Variants in LRRC53 observed in about 807,000 individuals in gnomAD.
The protein encoded by LRRC53 is leucine rich repeat containing 53, also known as leucine-rich repeat-containing protein 53.
A neutral mutation model predicts 13.6 loss-of-function variants in LRRC53; 25 were observed. The observed-to-expected ratio is 1.83, with a 90% CI of 1.34 to 2.56. The LOEUF (loss-of-function observed/expected upper bound fraction) is 2.56, where lower values mean the gene tolerates loss of function less well. Ranked by LOEUF, LRRC53 falls within the 30% of genes most tolerant of loss-of-function variation. The pLI is 0.00. For missense variants in LRRC53, 527 were observed against 275.8 expected (o/e 1.91, Z -6.45); for synonymous variants, 204 against 109.8 (o/e 1.86, Z -5.37).
At chr1:74,513,417 T>G (rs1646296735), upstream of LRRC53, among the ~76,000 whole-genome samples, 1 of 152,210 alleles carries the variant, frequency 6.6e-6, no homozygotes, top group Non-Finnish European at 1.5e-5. Flanking sequence ...CTTTGCAATG[T>G]TCCCTCAGAA....
Position 74,480,451 on chromosome 1 carries a change from T to C in LRRC53, c.606A>G (p.Pro202=), listed in dbSNP as rs1243285678. Residue 202 remains proline (P), a synonymous_variant, in exon 3 of 5, where the codon CCA becomes CCG. Coordinates refer to ENST00000294635, the MANE Select transcript of LRRC53 (RefSeq NM_001382280.1). ...AGCTCAGAAGGATTAACTGCTTCAG[T>C]GGAGTAAACACATCCGGCATGTGGG... The part of the protein sequence containing the change: ...RLAHMPDVFT[P]LKQLILLSLD... 2.8e-6 allele frequency: 2 copies of C among 717,488 alleles called. No homozygotes were observed. Among genetic ancestry groups the C allele is most frequent in the South Asian group, 1.5e-5 (1 of 67,606 alleles). The allele number at this position is 717,488 out of a possible 1,614,324, so 44.4% of individuals were successfully genotyped here. A position where few individuals can be genotyped will look rare whatever the true frequency, so the allele number is the denominator to read the frequency against.
intron 2 of LRRC53, among the ~76,000 whole-genome samples, chr1:74,481,455 A>C (rs575937294): frequency 6.6e-6 from 1 of 152,274 alleles, no homozygotes; most frequent in Non-Finnish European, 1.5e-5. Context: ...TAAAGGTGCG[A>C]GTTGGGATGG....
intron 1 of LRRC53, among the ~76,000 whole-genome samples, chr1:74,512,324 A>G (rs2100384987): frequency 6.6e-6 from 1 of 152,320 alleles, no homozygotes; most frequent in South Asian, 2.1e-4. Context: ...ATTGGCCCCT[A>G]GAACTGTGCA....
At chr1:74,527,537 A>G in the LRRC53 span, among the ~76,000 whole-genome samples, 1 of 152,192 alleles carries the variant, frequency 6.6e-6, no homozygotes, top group African/African-American at 2.4e-5. Context: ...AAAAAGGAGA[A>G]CCAGAAAGCC....
rs1354976784 is a variant in LRRC53 at position 74,481,037 on chromosome 1, G to C, written c.89-69C>G. The C allele has an allele frequency of 6.3e-6, 4 of 632,288 alleles. No individual in the cohort carries two copies. In the African/African-American group the frequency reaches 7.3e-5, roughly 12 times the overall value. The allele number at this position is 632,288 out of a possible 1,614,324, so 39.2% of individuals were successfully genotyped here. ...TGGGAGGGAGGGGGTATGGTGGAGA[G>C]CAGAGAATCAATATCCTCTGAGCAA... On this transcript the variant is annotated intron_variant, in intron 2 of 4. Transcript: ENST00000294635.
intron 1 of LRRC53, among the ~76,000 whole-genome samples, chr1:74,486,201 A>AGAGAGAGAGAGAGAGAGAGAGAGAGAGAG (rs1668751420): frequency 7.3e-6 from 1 of 136,412 alleles, no homozygotes; most frequent in African/African-American, 2.6e-5. Context: ...AAATGCTATA[A>AGAGAGAGAGAGAGAGAGAGAGAGAGAGAG]AGAGAGAGAG....
the LRRC53 span, among the ~76,000 whole-genome samples, chr1:74,520,794 G>A: frequency 2.0e-5 from 3 of 151,864 alleles, no homozygotes; most frequent in African/African-American, 4.8e-5. Flanking sequence ...TGCAACATGT[G>A]GGTTGCAGCT....
the LRRC53 span, among the ~76,000 whole-genome samples, chr1:74,524,501 C>A: frequency 3.9e-5 from 6 of 152,124 alleles, no homozygotes; most frequent in Non-Finnish European, 5.9e-5. Context: ...TAAAAAATTG[C>A]ACAGGAAAAT....
At chr1:74,472,294 C>T in intron 4 of LRRC53, 93 bp from the exon 5 acceptor site, 1 of 639,278 alleles carries the variant, frequency 1.6e-6, no homozygotes, top group Admixed American at 2.6e-5. Flanking sequence ...AAGTATAAAA[C>T]TGACTCCTCT....
At chr1:74,483,201 T>C in intron 2 of LRRC53, 61 bp downstream of exon 2, 5 of 709,258 alleles carry the variant, frequency 7.0e-6, no homozygotes, top group Non-Finnish European at 7.9e-6. Flanking sequence ...CAATGAAAGG[T>C]ATGGCAACCA....
chr1:74,493,151 A>T (rs1364107599), intron 1 of LRRC53, among the ~76,000 whole-genome samples: 1 of 152,200 alleles, frequency 6.6e-6, no homozygotes, highest in African/African-American at 2.4e-5. Flanking sequence ...TCCAGTCCAT[A>T]GCAATAGGTA....
At chr1:74,527,655 G>T in the LRRC53 span, among the ~76,000 whole-genome samples, 1 of 152,226 alleles carries the variant, frequency 6.6e-6, no homozygotes, top group Non-Finnish European at 1.5e-5. Context: ...CAGGGTGTTA[G>T]GGTGTTGATC....
At chr1:74,506,314 T>C (rs1040407893) in intron 1 of LRRC53, among the ~76,000 whole-genome samples, 1 of 152,186 alleles carries the variant, frequency 6.6e-6, no homozygotes, top group Non-Finnish European at 1.5e-5. Context: ...GAGTTATTTA[T>C]CAGTATTCTA....
At chr1:74,484,718 G>A (rs1254009176) in intron 1 of LRRC53, among the ~76,000 whole-genome samples, 2 of 152,044 alleles carry the variant, frequency 1.3e-5, no homozygotes, top group African/African-American at 4.8e-5. Flanking sequence ...GGAAGAGTAG[G>A]GCACAGAATC....
chr1:74,486,216 A>AGAGG (rs1193307220), intron 1 of LRRC53, among the ~76,000 whole-genome samples: 1 of 151,668 alleles, frequency 6.6e-6, no homozygotes, highest in African/African-American at 2.4e-5. Flanking sequence ...AGAGAGAGAG[A>AGAGG]GAGAGAGAGA....
the LRRC53 span, among the ~76,000 whole-genome samples, chr1:74,525,512 G>A: frequency 6.6e-6 from 1 of 152,124 alleles, no homozygotes; most frequent in Non-Finnish European, 1.5e-5. Flanking sequence ...TGAGAGATGA[G>A]GCTGAAGAAA....
intron 1 of LRRC53, chr1:74,492,235 A>C (rs758097600): frequency 6.2e-7 from 1 of 1,611,614 alleles, no homozygotes; most frequent in South Asian, 1.1e-5. Flanking sequence ...ATATGCTCTA[A>C]ATGCAAGGTC....
intron 1 of LRRC53, among the ~76,000 whole-genome samples, chr1:74,499,979 T>G (rs1049191271): frequency 5.3e-5 from 8 of 152,186 alleles, no homozygotes; most frequent in African/African-American, 1.9e-4. Flanking sequence ...TTCTATCTTT[T>G]TTCCTTTCCT....
intron 1 of LRRC53, among the ~76,000 whole-genome samples, chr1:74,498,523 T>C (rs1352064412): frequency 2.0e-5 from 3 of 152,174 alleles, no homozygotes; most frequent in Non-Finnish European, 2.9e-5. Context: ...TTTAATTGCA[T>C]GTGGTGAATA....
Sources: allele counts gnomAD v4.1 joint callset (sites outside exome capture counted in the v4.1 genomes callset), GRCh38; gene constraint gnomAD v4.1.1; transcripts MANE v1.5; gene names NCBI Gene and HGNC (gene_info 2026-07-23, HGNC 2026-07-21).